RRAS2: variants seen among roughly 807,000 people sequenced by gnomAD.
RRAS2 encodes the protein RAS related 2.
A neutral mutation model predicts 27.6 loss-of-function variants in RRAS2; 7 were observed. The ratio of observed to expected loss-of-function variants is 0.25; its 90% CI spans 0.14 to 0.48. RRAS2 has a LOEUF of 0.48. RRAS2 is among the 20% of genes least tolerant of loss of function. The pLI is 0.99. For synonymous variants in RRAS2, 86 were observed against 90.9 expected (o/e 0.95, Z 0.31); for missense variants, 178 against 256.2 (o/e 0.69, Z 2.08).
chr11:14,324,452 GTA>G (rs1165937465), intron 1 of RRAS2, among the ~76,000 whole-genome samples: 4 of 147,212 alleles, frequency 2.7e-5, no homozygotes, highest in Non-Finnish European at 4.5e-5. Flanking sequence ...AAAGGAAAAC[GTA>G]TATGAGTGTA....
chr11:14,297,328 T>A (rs1554946784), intron 1 of RRAS2, among the ~76,000 whole-genome samples: 5 of 152,206 alleles, frequency 3.3e-5, no homozygotes. Flanking sequence ...TGGCGACCTA[T>A]GCAAACACCA....
Position 14,358,970 on chromosome 11 carries a change from G to A in RRAS2, c.-100C>T, listed in dbSNP as rs1849144219. The A allele has an allele frequency of 1.7e-6, 2 of 1,155,522 alleles. No homozygotes were observed. The highest frequency in any genetic ancestry group is 9.6e-5 in the Admixed American group (2 of 20,810). 71.6% of individuals were successfully genotyped at this position (1,155,522 alleles called of 1,614,324 possible). On this transcript the variant is annotated 5_prime_UTR_variant, in exon 1 of 6. Transcript: ENST00000256196. This position sits in a 1 kb window ranked among gnomAD's most constrained non-coding sequence, Gnocchi z 5.1. ...TGTGCGGCCGGCGGGCTGCGGGCGA[G>A]CGGCCGGGCTGGGGTCCCGGGTACC...
At chr11:14,363,947 G>C (rs1849221353), upstream of RRAS2, among the ~76,000 whole-genome samples, 1 of 151,930 alleles carries the variant, frequency 6.6e-6, no homozygotes, top group Non-Finnish European at 1.5e-5. Flanking sequence ...GCACATGCCT[G>C]TAATCCCAGC....
chr11:14,359,065 G>T lies in RRAS2; in HGVS notation c.-195C>A. ...GGACTGGCTGGGTACCGCCCGAGGC[G>T]CGGAGAAGCGGGGTGACGGCACGGG... On this transcript the variant is annotated 5_prime_UTR_variant, in exon 1 of 6. Coordinates refer to ENST00000256196, the MANE Select transcript of RRAS2 (RefSeq NM_012250.6). 32 of 1,101,240 alleles carry T rather than the reference G, an allele frequency of 2.9e-5. No homozygotes were observed. Among genetic ancestry groups the T allele is most frequent in the Non-Finnish European group, 3.4e-5 (31 of 904,888 alleles). 68.2% of individuals were successfully genotyped at this position (1,101,240 alleles called of 1,614,324 possible). A position where few individuals can be genotyped will look rare whatever the true frequency, so the allele number is the denominator to read the frequency against.
chr11:14,286,351 C>T (rs1191772498), intron 4 of RRAS2, among the ~76,000 whole-genome samples: 1 of 152,134 alleles, frequency 6.6e-6, no homozygotes, highest in Non-Finnish European at 1.5e-5. Context: ...TTCTAGGATG[C>T]AGTTATTTGG....
chr11:14,363,639 T>G (rs1442232853), upstream of RRAS2, among the ~76,000 whole-genome samples: 1 of 150,512 alleles, frequency 6.6e-6, no homozygotes. Context: ...GGCATGGTGG[T>G]GTGTGCCTGT....
At chr11:14,325,808 G>T (rs144371895) in intron 1 of RRAS2, among the ~76,000 whole-genome samples, 83 of 152,284 alleles carry the variant, frequency 5.5e-4, no homozygotes, top group Middle Eastern at 6.8e-3. Context: ...GTGTGTAGAA[G>T]TAGTCTTTTT....
intron 1 of RRAS2, among the ~76,000 whole-genome samples, chr11:14,310,546 G>A (rs1347091528): frequency 6.6e-6 from 1 of 152,122 alleles, no homozygotes; most frequent in Non-Finnish European, 1.5e-5. Context: ...CGAAAGATAA[G>A]GGTTGCTGAT....
chr11:14,290,265 T>A (rs182199221), intron 4 of RRAS2, among the ~76,000 whole-genome samples: 1 of 152,228 alleles, frequency 6.6e-6, no homozygotes, highest in East Asian at 1.9e-4. Context: ...CTGGCCAACA[T>A]GGTGAAACCC....
chr11:14,343,484 T>G (rs1848760794), intron 1 of RRAS2, among the ~76,000 whole-genome samples: 1 of 152,174 alleles, frequency 6.6e-6, no homozygotes, highest in South Asian at 2.1e-4. Flanking sequence ...ATCTTCGCAG[T>G]GGTTATCAGA....
chr11:14,332,963 ATAAT>A (rs1848511030), intron 1 of RRAS2, among the ~76,000 whole-genome samples: 1 of 152,218 alleles, frequency 6.6e-6, no homozygotes, highest in Non-Finnish European at 1.5e-5. Context: ...TTCTTATAAA[ATAAT>A]TACACCATTG....
chr11:14,361,290 C>T (rs1390659335), upstream of RRAS2, among the ~76,000 whole-genome samples: 64 of 148,884 alleles, frequency 4.3e-4, no homozygotes, highest in African/African-American at 1.5e-3. Context: ...GCGACAGAGC[C>T]GTCTCAAAAA....
In RRAS2 at chr11:14,303,229, A is replaced by G. The variant is rs147961225; in HGVS notation, c.109-7374T>C. ...AATACATATACCAAGCTTAATGTAT[A>G]CTATATAATTGCTACTTACAATTTC... On this transcript the variant is annotated intron_variant, in intron 1 of 5. Coordinates refer to ENST00000256196, the MANE Select transcript of RRAS2 (RefSeq NM_012250.6). Among the ~76,000 whole-genome samples the G allele has an allele frequency of 2.6e-3, 397 of 152,330 alleles. 4 individuals carry two copies. The highest frequency in any genetic ancestry group is 0.014 in the Middle Eastern group (4 of 294).
chr11:14,358,299 G>C lies in RRAS2; in HGVS notation c.108+464C>G. The stretch of plus-strand genomic sequence containing the variant: ...GGCTCAGGCGGCGCGGGGAAGCCCG[G>C]AGACCACGCGGAGCCGCGGCCAAGT... On this transcript the variant is annotated intron_variant, in intron 1 of 5. Coordinates refer to ENST00000256196, the MANE Select transcript of RRAS2 (RefSeq NM_012250.6). This position sits in a 1 kb window ranked among gnomAD's most constrained non-coding sequence, Gnocchi z 5.1. 1 of 985,508 alleles carries C rather than the reference G, an allele frequency of 1.0e-6. No individual in the cohort carries two copies. The highest frequency in any genetic ancestry group is 1.2e-6 in the Non-Finnish European group (1 of 829,974). 61.0% of individuals were successfully genotyped at this position (985,508 alleles called of 1,614,324 possible). A position where few individuals can be genotyped will look rare whatever the true frequency, so the allele number is the denominator to read the frequency against.
chr11:14,342,214 C>T (rs1242449666), intron 1 of RRAS2: 1 of 162,056 alleles, frequency 6.2e-6, no homozygotes, highest in East Asian at 1.7e-4. Context: ...TTCAGCTCCC[C>T]TCTAGTAAGT....
At chr11:14,296,206 GAATA>G (rs1404234838) in intron 1 of RRAS2, among the ~76,000 whole-genome samples, 2 of 151,456 alleles carry the variant, frequency 1.3e-5, no homozygotes, top group Non-Finnish European at 1.5e-5. Flanking sequence ...AAAATAAATA[GAATA>G]AAAAATAAAA....
upstream of RRAS2, among the ~76,000 whole-genome samples, chr11:14,360,737 C>CA (rs557959565): frequency 3.1e-3 from 477 of 152,200 alleles, 2 homozygotes; most frequent in Non-Finnish European, 5.4e-3. Flanking sequence ...ACCTGGCCAA[C>CA]ATGGCTAAAC....
chr11:14,358,793 G>T lies in RRAS2; in HGVS notation c.78C>A (p.Gly26=). 1 of 1,485,132 alleles carries T rather than the reference G, an allele frequency of 6.7e-7. No individual in the cohort carries two copies. The highest frequency in any genetic ancestry group is 1.2e-5 in the South Asian group (1 of 82,068). 92.0% of individuals were successfully genotyped at this position (1,485,132 alleles called of 1,614,324 possible). A position where few individuals can be genotyped will look rare whatever the true frequency, so the allele number is the denominator to read the frequency against. Residue 26 remains glycine, a synonymous_variant, in exon 1 of 6, where the codon GGC becomes GGA. Transcript: ENST00000256196. The surrounding 1 kb of genome is among the most constrained non-coding windows in gnomAD (Gnocchi z 5.1). ...RLVVVGGGGV[G]KSALTIQFIQ... ...TGAACTGGATGGTGAGCGCCGACTT[G>T]CCCACGCCGCCCCCGCCGACCACCA...
At chr11:14,331,462 T>A (rs2134010910) in intron 1 of RRAS2, among the ~76,000 whole-genome samples, 1 of 152,164 alleles carries the variant, frequency 6.6e-6, no homozygotes, top group East Asian at 1.9e-4. Context: ...CAAAAAATTT[T>A]AAAACCATTG....
Sources: gnomAD v4.1 joint callset for allele counts (sites outside exome capture counted in the v4.1 genomes callset) on GRCh38, gnomAD v4.1.1 for gene constraint, Gnocchi (gnomAD v3.1) non-coding constraint, MANE v1.5 for transcripts, NCBI Gene and HGNC (gene_info 2026-07-23, HGNC 2026-07-21) for gene names.